The following PRKCH variants were observed in gnomAD, a reference collection of about 807,000 sequenced individuals.
The protein encoded by PRKCH is protein kinase C eta type.
PRKCH carries 28 observed loss-of-function variants against 82.5 expected under a neutral mutation model. The ratio of observed to expected loss-of-function variants is 0.34; its 90% CI spans 0.25 to 0.47. PRKCH has a LOEUF of 0.47. Among genes scored for constraint, PRKCH ranks in the 20% least tolerant of loss-of-function variants. The pLI is 1.00. For synonymous variants in PRKCH, 322 were observed against 327.4 expected, an observed-to-expected ratio of 0.98 and a Z score of 0.18; for missense variants, 705 against 881.8, an observed-to-expected ratio of 0.80 and a Z score of 2.54.
chr14:61,227,207 G>A (rs554931510), intron 1 of PRKCH, among the ~76,000 whole-genome samples: 156 of 152,226 alleles, frequency 1.0e-3, no homozygotes, highest in African/African-American at 3.6e-3. Flanking sequence ...TGCTTTCCTC[G>A]CTTACTCACT....
rs1329472579 is a variant in PRKCH, at chr14:61,373,822, C to A, written c.364-17403C>A. Reference sequence around the variant, plus strand: ...TTTGCCATGTTGGCCAGGCTGGTCGCAAACTTCTGACCTCAAGTGATCTGC... The same window carrying A: ...TTTGCCATGTTGGCCAGGCTGGTCGAAAACTTCTGACCTCAAGTGATCTGC... On this transcript the variant is annotated intron_variant, in intron 1 of 13. Transcript: ENST00000332981. Among the ~76,000 whole-genome samples the A allele has an allele frequency of 1.3e-5, 2 of 152,046 alleles. 1 individual carries two copies. Among genetic ancestry groups the A allele is most frequent in the African/African-American group, 4.8e-5 (2 of 41,320 alleles).
intron 2 of PRKCH, among the ~76,000 whole-genome samples, chr14:61,433,827 A>G (rs1883540783): frequency 6.6e-6 from 1 of 152,218 alleles, no homozygotes; most frequent in South Asian, 2.1e-4. Flanking sequence ...TTAAGACTGT[A>G]GATGTACAGT....
chr14:61,488,925 G>A (rs528281758), intron 10 of PRKCH, among the ~76,000 whole-genome samples: 185 of 152,300 alleles, frequency 1.2e-3, no homozygotes, highest in African/African-American at 3.1e-3. Context: ...CCCATGTTCA[G>A]GCTCTAACTG....
At chr14:61,515,615 C>A (rs1215499054) in intron 10 of PRKCH, among the ~76,000 whole-genome samples, 1 of 152,128 alleles carries the variant, frequency 6.6e-6, no homozygotes, top group South Asian at 2.1e-4. Flanking sequence ...GCATTTTGCT[C>A]GTTGCCCAAG....
At chr14:61,245,224 C>T (rs1299320897) in intron 1 of PRKCH, among the ~76,000 whole-genome samples, 1 of 152,216 alleles carries the variant, frequency 6.6e-6, no homozygotes, top group Non-Finnish European at 1.5e-5. Flanking sequence ...GTGAGGCCTG[C>T]TTCTCCACAG....
At chr14:61,454,747 C>T (rs1187347937) in intron 7 of PRKCH, among the ~76,000 whole-genome samples, 1 of 152,190 alleles carries the variant, frequency 6.6e-6, no homozygotes, top group African/African-American at 2.4e-5. Context: ...TGACCTCCAC[C>T]TGCTGTCATC....
chr14:61,471,859 A>G (rs1339041408), intron 9 of PRKCH, among the ~76,000 whole-genome samples: 5 of 152,082 alleles, frequency 3.3e-5, no homozygotes, highest in African/African-American at 1.2e-4. Context: ...TGGCTCCCTT[A>G]CATGACTGTC....
chr14:61,343,351 C>CAAAAAAAAAA (rs57154047), intron 1 of PRKCH, among the ~76,000 whole-genome samples: 2 of 87,332 alleles, frequency 2.3e-5, no homozygotes, highest in African/African-American at 4.4e-5. Flanking sequence ...CCAGTTCCCT[C>CAAAAAAAAAA]AAAAAAAAAA....
At chr14:61,195,606 A>G (rs2044435260) in intron 1 of PRKCH, among the ~76,000 whole-genome samples, 2 of 152,258 alleles carry the variant, frequency 1.3e-5, no homozygotes, top group South Asian at 4.1e-4. Context: ...CCAAAGGAAG[A>G]ACATCCAAAT....
At chr14:61,542,538 A>G (rs2043201793) in intron 12 of PRKCH, among the ~76,000 whole-genome samples, 1 of 152,146 alleles carries the variant, frequency 6.6e-6, no homozygotes, top group African/African-American at 2.4e-5. Context: ...AGAAAAAGGA[A>G]CATTATTTTC....
intron 1 of PRKCH, among the ~76,000 whole-genome samples, chr14:61,189,662 G>A (rs1021561915): frequency 1.3e-5 from 2 of 149,314 alleles, no homozygotes; most frequent in African/African-American, 4.9e-5. Flanking sequence ...TTTCTTTTTG[G>A]TTGAGTGTAT....
chr14:61,308,431 G>A (rs553514804), intron 1 of PRKCH, among the ~76,000 whole-genome samples: 6 of 152,154 alleles, frequency 3.9e-5, no homozygotes, highest in African/African-American at 1.2e-4. Flanking sequence ...TTCCTTTGTT[G>A]ACTTCCTTTC....
chr14:61,243,383 C>CAAAAAA (rs10555022), intron 1 of PRKCH, among the ~76,000 whole-genome samples: 7 of 103,368 alleles, frequency 6.8e-5, no homozygotes, highest in African/African-American at 1.1e-4. Flanking sequence ...GACTCTGTCT[C>CAAAAAA]AAAAAAAAAA....
chr14:61,475,822 A>T (rs544925030), intron 9 of PRKCH, among the ~76,000 whole-genome samples: 1 of 152,212 alleles, frequency 6.6e-6, no homozygotes, highest in Non-Finnish European at 1.5e-5. Flanking sequence ...AATCTAGTTA[A>T]CATTACCTTG....
intron 1 of PRKCH, among the ~76,000 whole-genome samples, chr14:61,373,416 G>A (rs529544086): frequency 1.1e-4 from 16 of 152,014 alleles, no homozygotes; most frequent in South Asian, 8.3e-4. Context: ...CATGAGAACA[G>A]CAAGGGGGAA....
chr14:61,276,432 T>C (rs2045202848), intron 1 of PRKCH, among the ~76,000 whole-genome samples: 1 of 151,906 alleles, frequency 6.6e-6, no homozygotes, highest in South Asian at 2.1e-4. Flanking sequence ...CTCGGCTTAC[T>C]GCAACCTCTG....
intron 1 of PRKCH, among the ~76,000 whole-genome samples, chr14:61,327,464 G>A (rs2045713549): frequency 6.6e-6 from 1 of 152,182 alleles, no homozygotes; most frequent in South Asian, 2.1e-4. Flanking sequence ...TCTTGAGGGA[G>A]TTTTATTTCA....
chr14:61,386,864 T>C (rs1447901643), intron 1 of PRKCH, among the ~76,000 whole-genome samples: 1 of 152,224 alleles, frequency 6.6e-6, no homozygotes, highest in African/African-American at 2.4e-5. Flanking sequence ...TTGAATATGT[T>C]TTTTGAGTGC....
At chr14:61,457,084 GAGACTGCTCCC>G (rs2140295143) in intron 7 of PRKCH, 81 bp from the exon 8 acceptor site, 1 of 1,420,160 alleles carries the variant, frequency 7.0e-7, no homozygotes, top group South Asian at 1.4e-5. Flanking sequence ...TACTGGGGGT[GAGACTGCTCCC>G]AGCCAATAAG....
Sources: gnomAD v4.1 joint callset for allele counts (sites outside exome capture counted in the v4.1 genomes callset) on GRCh38, gnomAD v4.1.1 for gene constraint, MANE v1.5 for transcripts, NCBI Gene and HGNC (gene_info 2026-07-23, HGNC 2026-07-21) for gene names.